The following KDM4C variants were observed in gnomAD, a reference collection of about 807,000 sequenced individuals.
The protein encoded by KDM4C is lysine demethylase 4C.
Under a neutral mutation model 129.3 loss-of-function variants are expected in KDM4C, and 81 were observed. That is an observed-to-expected ratio of 0.63 (90% CI 0.52 to 0.75). The LOEUF (loss-of-function observed/expected upper bound fraction) is 0.75. KDM4C is among the 30% of genes least tolerant of loss of function. The pLI is 0.00. For missense variants in KDM4C, 1,457 were observed against 1,304.0 expected (o/e 1.12, Z -1.81); for synonymous variants, 573 against 456.1 (o/e 1.26, Z -3.26).
At chr9:7,168,399 T>G (rs996346760) in intron 20 of KDM4C, among the ~76,000 whole-genome samples, 1 of 152,224 alleles carries the variant, frequency 6.6e-6, no homozygotes, top group African/African-American at 2.4e-5. Context: ...GTATTCTACC[T>G]GATTACATCC....
intron 19 of KDM4C, among the ~76,000 whole-genome samples, chr9:7,131,459 C>T (rs56957315): frequency 0.18 from 26,685 of 152,044 alleles, 2,503 homozygotes; most frequent in East Asian, 0.27. Context: ...AAGGAATTGG[C>T]TCTGTGATTA....
intron 4 of KDM4C, chr9:6,835,155 C>A: frequency 2.1e-6 from 2 of 962,774 alleles, no homozygotes; most frequent in Non-Finnish European, 3.4e-6. Flanking sequence ...CCAGCTCCTC[C>A]CTGGAGAAGA....
chr9:6,795,405 C>G (rs1374347619), intron 2 of KDM4C, among the ~76,000 whole-genome samples: 2 of 152,350 alleles, frequency 1.3e-5, no homozygotes, highest in South Asian at 2.1e-4. Context: ...GATCTCAGCT[C>G]ACTGCAACCT....
chr9:6,908,388 A>G (rs888398216), intron 8 of KDM4C, among the ~76,000 whole-genome samples: 2 of 152,260 alleles, frequency 1.3e-5, no homozygotes, highest in African/African-American at 2.4e-5. Flanking sequence ...ACACAGTACA[A>G]AAATGAAATA....
At chr9:6,934,946 C>G (rs1177747365) in intron 8 of KDM4C, among the ~76,000 whole-genome samples, 1 of 151,524 alleles carries the variant, frequency 6.6e-6, no homozygotes, top group East Asian at 1.9e-4. Flanking sequence ...TGCACATACA[C>G]TCAGATTTTT....
chr9:7,051,245 G>C (rs10815509), intron 17 of KDM4C, among the ~76,000 whole-genome samples: 78,628 of 151,976 alleles, frequency 0.52, 21,730 homozygotes, highest in Non-Finnish European at 0.62. Context: ...TTGGGGGGAA[G>C]AATGTCTAAG....
intron 15 of KDM4C, among the ~76,000 whole-genome samples, chr9:7,016,435 T>TG (rs1823703888): frequency 2.0e-5 from 3 of 148,076 alleles, no homozygotes; most frequent in Admixed American, 2.0e-4. Flanking sequence ...CTTTTTTTTT[T>TG]TTTTTTTTTG....
chr9:7,103,906 G>A (rs536407572), intron 18 of KDM4C, 36 bp downstream of exon 18: 90 of 1,582,810 alleles, frequency 5.7e-5, no homozygotes, highest in Non-Finnish European at 7.4e-5. Flanking sequence ...TGCTAAGACC[G>A]TGTCTGGATT....
At chr9:6,828,550 C>T (rs994258057) in intron 4 of KDM4C, among the ~76,000 whole-genome samples, 3 of 149,466 alleles carry the variant, frequency 2.0e-5, no homozygotes, top group African/African-American at 5.1e-5. Flanking sequence ...TAGAGACCGT[C>T]TGATCTTCTG....
chr9:6,904,675 G>T (rs1416389101), intron 8 of KDM4C, among the ~76,000 whole-genome samples: 4 of 152,160 alleles, frequency 2.6e-5, no homozygotes, highest in Admixed American at 1.3e-4. Flanking sequence ...TGCCTTTGCA[G>T]TTTCTGTTTT....
At chr9:6,967,134 A>C (rs1461051285) in intron 8 of KDM4C, among the ~76,000 whole-genome samples, 1 of 152,172 alleles carries the variant, frequency 6.6e-6, no homozygotes, top group Non-Finnish European at 1.5e-5. Context: ...AAAATTATAC[A>C]GACTCCTGGC....
intron 5 of KDM4C, among the ~76,000 whole-genome samples, chr9:6,850,390 G>A (rs1057045193): frequency 1.3e-5 from 2 of 152,146 alleles, no homozygotes; most frequent in Non-Finnish European, 2.9e-5. Flanking sequence ...CTTCCTGGGT[G>A]TAGTTTCAAA....
At chr9:6,994,895 A>G (rs1414917343) in intron 12 of KDM4C, among the ~76,000 whole-genome samples, 1 of 152,186 alleles carries the variant, frequency 6.6e-6, no homozygotes, top group Non-Finnish European at 1.5e-5. Context: ...GAATTACCTC[A>G]AAGTTAAAAT....
intron 8 of KDM4C, 160 bp downstream of exon 8, chr9:6,893,392 A>G (rs557239705): frequency 4.4e-6 from 2 of 457,276 alleles, no homozygotes; most frequent in Non-Finnish European, 3.7e-6. Context: ...TTTATTTTAC[A>G]TAGCCAATAT....
At chr9:6,722,078 G>T (rs928175763) in intron 1 of KDM4C, among the ~76,000 whole-genome samples, 1 of 152,190 alleles carries the variant, frequency 6.6e-6, no homozygotes, top group East Asian at 1.9e-4. Flanking sequence ...AGTTGTAGAG[G>T]AACTGTTCCG....
intron 17 of KDM4C, among the ~76,000 whole-genome samples, chr9:7,083,348 A>T (rs1180142099): frequency 6.6e-6 from 1 of 152,188 alleles, no homozygotes; most frequent in Non-Finnish European, 1.5e-5. Flanking sequence ...AACATTTTGG[A>T]CTTTGAACTT....
At chr9:7,039,117 T>C (rs1436924214) in intron 15 of KDM4C, among the ~76,000 whole-genome samples, 2 of 152,016 alleles carry the variant, frequency 1.3e-5, no homozygotes, top group Admixed American at 6.6e-5. Context: ...TATATTTTCC[T>C]ATATTTTCTT....
At chr9:6,905,757 G>C (rs1184511378) in intron 8 of KDM4C, among the ~76,000 whole-genome samples, 1 of 152,154 alleles carries the variant, frequency 6.6e-6, no homozygotes, top group African/African-American at 2.4e-5. Flanking sequence ...ATGTTTGCTG[G>C]TGTTATTGAG....
upstream of KDM4C, among the ~76,000 whole-genome samples, chr9:6,756,523 C>G (rs1818294074): frequency 6.6e-6 from 1 of 152,204 alleles, no homozygotes; most frequent in Non-Finnish European, 1.5e-5. Flanking sequence ...TTGTGACCAG[C>G]CTGGCCAACA....
Sources: allele counts gnomAD v4.1 joint callset (sites outside exome capture counted in the v4.1 genomes callset), GRCh38; gene constraint gnomAD v4.1.1; transcripts MANE v1.5; gene names NCBI Gene and HGNC (gene_info 2026-07-23, HGNC 2026-07-21).